Variants in CASD1 observed in about 807,000 individuals in gnomAD.
CASD1 encodes the protein N-acetylneuraminate (7)9-O-acetyltransferase.
A neutral mutation model predicts 100.0 loss-of-function variants in CASD1; 41 were observed. The observed-to-expected ratio is 0.41, with a 90% CI of 0.32 to 0.53. The LOEUF is 0.53. Among genes scored for constraint, CASD1 ranks in the 20% least tolerant of loss-of-function variants. The pLI is 0.25. For synonymous variants in CASD1, 321 were observed against 315.6 expected (o/e 1.02, Z -0.18); for missense variants, 774 against 948.7 (o/e 0.82, Z 2.42).
chr7:94,599,590 G>T, the CASD1 span: 1 of 882,348 alleles, frequency 1.1e-6, no homozygotes, highest in Non-Finnish European at 1.9e-6. Flanking sequence ...AATAAACTAT[G>T]AAAGATGACA....
At chr7:94,559,446 T>G (rs1379749612), downstream of CASD1, among the ~76,000 whole-genome samples, 1 of 152,074 alleles carries the variant, frequency 6.6e-6, no homozygotes, top group Non-Finnish European at 1.5e-5. Flanking sequence ...CCCTTTGTCT[T>G]TCAGGGATTC....
At chr7:94,617,312 G>A in the CASD1 span, 9 of 152,166 alleles carry the variant, frequency 5.9e-5, no homozygotes, top group South Asian at 6.2e-4. Context: ...GTACCTCGAC[G>A]GGTGGGACCT....
At chr7:94,587,446 G>A in the CASD1 span, 1 of 1,188,108 alleles carries the variant, frequency 8.4e-7, no homozygotes, top group Admixed American at 4.6e-5. Flanking sequence ...TAGGCGAGAT[G>A]GAAGCTACAA....
chr7:94,545,247 T>A (rs1384317472), intron 11 of CASD1, among the ~76,000 whole-genome samples: 1 of 152,094 alleles, frequency 6.6e-6, no homozygotes, highest in Non-Finnish European at 1.5e-5. Flanking sequence ...ACTATAGCCC[T>A]CAGAAGGACG....
At chr7:94,542,172 TAAA>T (rs917355655) in intron 10 of CASD1, among the ~76,000 whole-genome samples, 38 of 152,150 alleles carry the variant, frequency 2.5e-4, no homozygotes, top group African/African-American at 8.7e-4. Context: ...GGAGAGTGCT[TAAA>T]GTAATTAGGA....
At chr7:94,525,871 AATTAATGAAAAC>A (rs1430171672) in intron 3 of CASD1, among the ~76,000 whole-genome samples, 1 of 152,196 alleles carries the variant, frequency 6.6e-6, no homozygotes, top group Admixed American at 6.5e-5. Flanking sequence ...TGTCTGTTTG[AATTAATGAAAAC>A]ATTTCAGCTT....
At chr7:94,588,692 T>C in the CASD1 span, 10 of 1,594,670 alleles carry the variant, frequency 6.3e-6, no homozygotes, top group East Asian at 2.0e-4. Context: ...CACTCACCTG[T>C]AGTCTGCTGT....
Position 94,537,949 on chromosome 7 carries a change from CTG to C in CASD1, c.1266+59_1266+60del, listed in dbSNP as rs1214206015. 27 of 970,030 alleles carry C rather than the reference CTG, an allele frequency of 2.8e-5. No homozygotes were observed. The Admixed American group carries it at 4.4e-4, about 16-fold the overall frequency. The allele number at this position is 970,030 out of a possible 1,614,324, so 60.1% of individuals were successfully genotyped here. On this transcript the variant is annotated intron_variant, in intron 9 of 17. Coordinates refer to ENST00000297273, the MANE Select transcript of CASD1 (RefSeq NM_022900.5). ...TACCCTTCTTGTCTCATTACATACT[CTG>C]TGTTAAAGAACTAATATCATTTATC...
the CASD1 span, among the ~76,000 whole-genome samples, chr7:94,596,468 T>A: frequency 6.6e-6 from 1 of 152,148 alleles, no homozygotes; most frequent in African/African-American, 2.4e-5. Flanking sequence ...ACAGCACTGT[T>A]TGTTACATTA....
At chr7:94,560,175 C>T (rs1019364525), downstream of CASD1, among the ~76,000 whole-genome samples, 2 of 152,126 alleles carry the variant, frequency 1.3e-5, no homozygotes, top group Non-Finnish European at 2.9e-5. Flanking sequence ...AATATGCCTT[C>T]CTTCATAAGA....
chr7:94,542,186 A>G (rs950152227), intron 10 of CASD1, among the ~76,000 whole-genome samples: 1 of 152,296 alleles, frequency 6.6e-6, no homozygotes, highest in African/African-American at 2.4e-5. Context: ...GTAATTAGGA[A>G]TGATTAACCT....
the CASD1 span, among the ~76,000 whole-genome samples, chr7:94,594,768 T>G: frequency 1.3e-5 from 2 of 152,124 alleles, no homozygotes; most frequent in Non-Finnish European, 2.9e-5. Flanking sequence ...AAATAAAAAG[T>G]TTATTAAAGA....
At chr7:94,545,123 A>G (rs972241277) in intron 11 of CASD1, among the ~76,000 whole-genome samples, 7 of 152,168 alleles carry the variant, frequency 4.6e-5, no homozygotes, top group Non-Finnish European at 8.8e-5. Context: ...GTTTTGAGTA[A>G]TACTATTTTG....
the CASD1 span, among the ~76,000 whole-genome samples, chr7:94,616,285 A>C: frequency 1.3e-5 from 2 of 152,266 alleles, no homozygotes; most frequent in Non-Finnish European, 2.9e-5. Context: ...GAAATATGAA[A>C]AATTTTGCAC....
the CASD1 span, among the ~76,000 whole-genome samples, chr7:94,612,778 C>T: frequency 6.6e-6 from 1 of 152,124 alleles, no homozygotes; most frequent in African/African-American, 2.4e-5. Flanking sequence ...TACCCCACCC[C>T]ACCTCCACCT....
intron 8 of CASD1, among the ~76,000 whole-genome samples, chr7:94,536,578 TA>T: frequency 6.6e-6 from 1 of 152,258 alleles, no homozygotes; most frequent in East Asian, 1.9e-4. Flanking sequence ...ATGAACCCCC[TA>T]AAAACTGGTT....
intron 1 of CASD1, among the ~76,000 whole-genome samples, chr7:94,517,023 C>T (rs1794011007): frequency 6.6e-6 from 1 of 151,972 alleles, no homozygotes; most frequent in Non-Finnish European, 1.5e-5. Flanking sequence ...CATGTCTTGG[C>T]CTCCCGAGTA....
rs772412642 is a variant in CASD1 at position 94,549,589 on chromosome 7, A to G, written c.1770A>G (p.Lys590=). The G allele has an allele frequency of 3.1e-6, 5 of 1,611,102 alleles. No individual in the cohort carries two copies. In the South Asian group the frequency reaches 5.5e-5, roughly 18 times the overall value. ...CATTGTCCAAGTGTTTTGAACTGAAAGGGAATGTATATGAATGGTGGTTCA... is the reference window on the plus strand; with the variant it reads ...CATTGTCCAAGTGTTTTGAACTGAAGGGGAATGTATATGAATGGTGGTTCA... ...LWPLSKCFEL[K]GNVYEWWFRW... Residue 590 remains lysine (K), a synonymous_variant, in exon 14 of 18, where the codon AAA becomes AAG. Transcript: ENST00000297273.
At chr7:94,587,425 G>A in the CASD1 span, 11 of 1,154,408 alleles carry the variant, frequency 9.5e-6, no homozygotes, top group African/African-American at 1.6e-4. Flanking sequence ...AGAATCAGAA[G>A]ATAGAAATCT....
Sources: gnomAD v4.1 joint callset for allele counts (sites outside exome capture counted in the v4.1 genomes callset) on GRCh38, gnomAD v4.1.1 for gene constraint, MANE v1.5 for transcripts, NCBI Gene and HGNC (gene_info 2026-07-23, HGNC 2026-07-21) for gene names.